Variants in BPIFA3 observed in about 807,000 individuals in gnomAD.
BPIFA3 encodes the protein BPI fold-containing family A member 3.
In BPIFA3, 32 loss-of-function variants were observed where a neutral mutation model predicts 29.7. The observed-to-expected ratio is 1.08, with a 90% CI of 0.81 to 1.45. The LOEUF (loss-of-function observed/expected upper bound fraction) is 1.45. BPIFA3 is among the 40% of genes most tolerant of loss of function. BPIFA3 has a pLI of 0.00. For synonymous variants in BPIFA3, 112 were observed against 113.7 expected (o/e 0.98, Z 0.10); for missense variants, 323 against 311.3 (o/e 1.04, Z -0.28).
chr20:33,217,557 G>A lies in BPIFA3; in HGVS notation c.21G>A (p.Arg7=), dbSNP rs375797592. 1 of 1,614,116 alleles carries A rather than the reference G, an allele frequency of 6.2e-7. No individual in the cohort carries two copies. MMCPLW[R]LLIFLGLLAL... The stretch of plus-strand genomic sequence containing the variant: ...ACCCTATGATGTGTCCACTCTGGAG[G>A]CTCCTCATCTTCCTCGGGTTGCTGG... The change falls in exon 1 of 7, where the codon AGG becomes AGA. Residue 7 remains arginine (R), a synonymous_variant. Coordinates refer to ENST00000375454, the MANE Select transcript of BPIFA3 (RefSeq NM_178466.5).
chr20:33,217,407 C>T lies in BPIFA3; in HGVS notation c.-130C>T. 8.1e-7 allele frequency: 1 copy of T among 1,236,140 alleles called. No individual in the cohort carries two copies. Among genetic ancestry groups the T allele is most frequent in the Non-Finnish European group, 1.1e-6 (1 of 907,256 alleles). The allele number at this position is 1,236,140 out of a possible 1,614,324, so 76.6% of individuals were successfully genotyped here. On this transcript the variant is annotated 5_prime_UTR_variant, in exon 1 of 7. Transcript: ENST00000375454. The stretch of plus-strand genomic sequence containing the variant: ...GGTCCAGTGCAGCCCCTCCCCACAG[C>T]ATGCTGGGGGCTAATTCTGATGTCA...
At chr20:33,224,754 C>T (rs74338142) in intron 3 of BPIFA3, among the ~76,000 whole-genome samples, 8,495 of 152,290 alleles carry the variant, frequency 0.056, 385 homozygotes, top group African/African-American at 0.12. Flanking sequence ...ATCATCTCAT[C>T]GCCCCTGCTC....
intron 1 of BPIFA3, among the ~76,000 whole-genome samples, chr20:33,221,287 T>G (rs1985501647): frequency 6.6e-6 from 1 of 152,118 alleles, no homozygotes; most frequent in South Asian, 2.1e-4. Context: ...CCCGAGTAGC[T>G]GGGATTACAG....
At chr20:33,223,661 A>G (rs1985628458) in intron 1 of BPIFA3, 150 bp from the exon 2 acceptor site, 2 of 754,370 alleles carry the variant, frequency 2.7e-6, no homozygotes, top group Non-Finnish European at 2.1e-6. Context: ...TCATAGATGA[A>G]GAAGGTAGAT....
intron 1 of BPIFA3, among the ~76,000 whole-genome samples, chr20:33,222,133 A>G (rs1463821050): frequency 2.0e-5 from 3 of 152,376 alleles, no homozygotes; most frequent in Middle Eastern, 3.4e-3. Flanking sequence ...GTCATTTTAC[A>G]TAACTGAAAG....
intron 1 of BPIFA3, among the ~76,000 whole-genome samples, chr20:33,219,321 G>T (rs1174779593): frequency 6.6e-6 from 1 of 151,824 alleles, no homozygotes; most frequent in Non-Finnish European, 1.5e-5. Context: ...CTTGACATTA[G>T]CCCTTTGTCA....
intron 4 of BPIFA3, 158 bp downstream of exon 4, chr20:33,225,405 T>A: frequency 9.8e-7 from 1 of 1,015,676 alleles, no homozygotes; most frequent in Non-Finnish European, 1.4e-6. Flanking sequence ...GTGATGACCC[T>A]ACCACCCTCC....
At position 33,223,812 on chromosome 20, in the gene BPIFA3, T is replaced by A. The variant is rs1236430230; in HGVS notation, c.129T>A (p.Ile43=). The change falls in exon 2 of 7, where the codon ATT becomes ATA. Residue 43 remains isoleucine (I), a splice_region_variant and synonymous_variant. Transcript: ENST00000375454. ...TCAGTGGTCCTTGTGCATTTCCAGT[T>A]ATTGCTCAGGGCCTCATAAAGCACA... The part of the protein sequence containing the change: ...HRDNKSTLAR[I]IAQGLIKHNA... The A allele has an allele frequency of 6.2e-7, 1 of 1,611,636 alleles. No individual in the cohort carries two copies. The highest frequency in any genetic ancestry group is 1.3e-5 in the African/African-American group (1 of 74,996).
Position 33,218,255 on chromosome 20 carries a change from G to A in BPIFA3, c.127+592G>A, listed in dbSNP as rs141049111. 5.0e-3 allele frequency among the ~76,000 whole-genome samples: 768 copies of A among 152,342 alleles called. 4 individuals carry two copies. The highest frequency in any genetic ancestry group is 7.5e-3 in the Non-Finnish European group (512 of 68,028). ...AGTGTCCCTGTTACAGCCTGTGGGA[G>A]AATTTCCCTGGGATAAACCCAGAAG... On this transcript the variant is annotated intron_variant, in intron 1 of 6. Coordinates refer to ENST00000375454, the MANE Select transcript of BPIFA3 (RefSeq NM_178466.5).
intron 2 of BPIFA3, 21 bp downstream of exon 2, chr20:33,223,982 C>G: frequency 6.2e-7 from 1 of 1,611,992 alleles, no homozygotes; most frequent in Non-Finnish European, 8.5e-7. Context: ...GAGTTCTATC[C>G]GTGGCCCTGG....
At chr20:33,222,083 G>A (rs544891889) in intron 1 of BPIFA3, among the ~76,000 whole-genome samples, 20 of 152,324 alleles carry the variant, frequency 1.3e-4, no homozygotes, top group Non-Finnish European at 2.2e-4. Flanking sequence ...GCAGGCAACA[G>A]AAAACCCAAC....
chr20:33,227,652 A>C lies in BPIFA3; in HGVS notation c.*35A>C. On this transcript the variant is annotated 3_prime_UTR_variant, in exon 7 of 7. Coordinates refer to ENST00000375454, the MANE Select transcript of BPIFA3 (RefSeq NM_178466.5). ...ATCAGAAGGAAAGTCCACATCTTGC[A>C]ACCTTAAGTCTCCCTTAGAGTGGGG... 1 of 1,574,680 alleles carries C rather than the reference A, an allele frequency of 6.4e-7. No homozygotes were observed. Among genetic ancestry groups the C allele is most frequent in the Non-Finnish European group, 8.7e-7 (1 of 1,144,434 alleles).
At chr20:33,224,261 T>G in intron 2 of BPIFA3, 94 bp from the exon 3 acceptor site, 1 of 1,053,798 alleles carries the variant, frequency 9.5e-7, no homozygotes, top group Non-Finnish European at 1.4e-6. Context: ...TGCCAGGCCC[T>G]CTTTATAGTC....
chr20:33,224,298 C>T, intron 2 of BPIFA3, 57 bp from the exon 3 acceptor site: 1 of 1,398,686 alleles, frequency 7.1e-7, no homozygotes, highest in Non-Finnish European at 1.0e-6. Context: ...CAGCAGGAAG[C>T]CTTACCTGTT....
Position 33,227,591 on chromosome 20 carries a change from T to A in BPIFA3, c.739T>A (p.Cys247Ser). The change falls in exon 7 of 7, where the codon TGC becomes AGC. Residue 247 changes from cysteine (C) to serine (S), a missense_variant. Cys to Ser is a moderately radical substitution (Grantham distance 112). Transcript: ENST00000375454. ...CCATGAAACCAGCCAACCCTCTGCA[T>A]GCCAGGCTGGAGAGTCCCCCAGCTG... ...THHETSQPSACQAGESPS is the reference protein window; with the variant it reads ...THHETSQPSASQAGESPS The A allele has an allele frequency of 6.2e-7, 1 of 1,614,072 alleles. No homozygotes were observed. Among genetic ancestry groups the A allele is most frequent in the Non-Finnish European group, 8.5e-7 (1 of 1,179,976 alleles).
At position 33,225,155 on chromosome 20, in the gene BPIFA3, C is replaced by G; in HGVS notation, c.444C>G (p.Phe148Leu). Residue 148 changes from phenylalanine (F) to leucine (L), a missense_variant, in exon 4 of 7, where the codon TTC becomes TTG. Coordinates refer to ENST00000375454, the MANE Select transcript of BPIFA3 (RefSeq NM_178466.5). Reference sequence around the variant, plus strand: ...CACATATGAGCATCGTTGTGGAGTTCTGGCTGGAGAAAGACGAGTTTGGCC... The same window carrying G: ...CACATATGAGCATCGTTGTGGAGTTGTGGCTGGAGAAAGACGAGTTTGGCC... ...MCAHMSIVVEFWLEKDEFGRR... is the reference protein window; with the variant it reads ...MCAHMSIVVELWLEKDEFGRR... 6.2e-7 allele frequency: 1 copy of G among 1,614,138 alleles called. No individual in the cohort carries two copies. The highest frequency in any genetic ancestry group is 8.5e-7 in the Non-Finnish European group (1 of 1,180,024).
At chr20:33,225,727 C>T (rs557769571) in intron 4 of BPIFA3, 1 of 166,704 alleles carries the variant, frequency 6.0e-6, no homozygotes, top group African/African-American at 2.4e-5. Flanking sequence ...CAAGGCCCTG[C>T]TTGTCCTCTC....
Position 33,225,243 on chromosome 20 carries a change from A to C in BPIFA3, c.532A>C (p.Thr178Pro), listed in dbSNP as rs1358248062. 2.5e-6 allele frequency: 4 copies of C among 1,613,440 alleles called. No homozygotes were observed. In the African/African-American group the frequency reaches 4.0e-5, roughly 16 times the overall value. The change falls in exon 4 of 7, where the codon ACT becomes CCT. Residue 178 changes from threonine to proline, a missense_variant. Thr to Pro is a conservative substitution (Grantham distance 38). Coordinates refer to ENST00000375454, the MANE Select transcript of BPIFA3 (RefSeq NM_178466.5). ...EPSSVHVAIL[T>P]EAIPPKMNQF... ...CAGCAGTGTCCATGTGGCCATCCTC[A>C]CTGAGTAAGACCCCAGCTGCCCCTC...
chr20:33,224,581 G>A (rs528277222), intron 3 of BPIFA3, 119 bp downstream of exon 3: 49 of 837,550 alleles, frequency 5.9e-5, no homozygotes, highest in Non-Finnish European at 9.0e-5. Flanking sequence ...GCCACTTGCT[G>A]TGTGACCTTG....
Sources: gnomAD v4.1 joint callset for allele counts (sites outside exome capture counted in the v4.1 genomes callset) on GRCh38, gnomAD v4.1.1 for gene constraint, MANE v1.5 for transcripts, NCBI Gene and HGNC (gene_info 2026-07-23, HGNC 2026-07-21) for gene names.